The following MGRN1 variants were observed in gnomAD, a reference collection of about 807,000 sequenced individuals.
MGRN1 encodes E3 ubiquitin-protein ligase MGRN1.
MGRN1 carries 29 observed loss-of-function variants against 69.2 expected under a neutral mutation model. That is an observed-to-expected ratio of 0.42 (90% CI 0.31 to 0.57). The LOEUF is 0.57. MGRN1 is among the 20% of genes least tolerant of loss of function. MGRN1 has a pLI of 0.15. For synonymous variants in MGRN1, 470 were observed against 344.2 expected (o/e 1.37, Z -4.04); for missense variants, 998 against 796.2 (o/e 1.25, Z -3.05).
At chr16:4,629,150 A>ATGTGTGTGTG (rs377682804) in intron 1 of MGRN1, among the ~76,000 whole-genome samples, 2,374 of 127,564 alleles carry the variant, frequency 0.019, 33 homozygotes, top group South Asian at 0.034. Flanking sequence ...TTCTGTTCGT[A>ATGTGTGTGTG]TGTGTGTGTG....
intron 13 of MGRN1, 21 bp downstream of exon 13, chr16:4,681,797 G>C (rs764083188): frequency 1.2e-6 from 2 of 1,602,324 alleles, no homozygotes; most frequent in Non-Finnish European, 1.7e-6. Flanking sequence ...GCCAGGCCAG[G>C]TGCATGGCAG....
At chr16:4,679,928 C>T in intron 11 of MGRN1, 104 bp from the exon 12 acceptor site, 1 of 1,095,870 alleles carries the variant, frequency 9.1e-7, no homozygotes, top group Non-Finnish European at 1.3e-6. Flanking sequence ...TTGTGAAGTT[C>T]TGCGCCACGG....
intron 5 of MGRN1, among the ~76,000 whole-genome samples, chr16:4,661,863 T>C (rs572487602): frequency 6.6e-6 from 1 of 152,192 alleles, no homozygotes; most frequent in Non-Finnish European, 1.5e-5. Flanking sequence ...GCCCAGGGCT[T>C]CTTGTGTGGA....
In MGRN1 at chr16:4,689,073, C is replaced by A; in HGVS notation, c.*165C>A. The A allele has an allele frequency of 1.1e-6, 1 of 887,232 alleles. No homozygotes were observed. Among genetic ancestry groups the A allele is most frequent in the Non-Finnish European group, 1.6e-6 (1 of 614,788 alleles). 55.0% of individuals were successfully genotyped at this position (887,232 alleles called of 1,614,324 possible). A position where few individuals can be genotyped will look rare whatever the true frequency, so the allele number is the denominator to read the frequency against. Reference sequence around the variant, plus strand: ...GATCAAAGAGCACAGTGAACTGTCCCTTCTGAGTCTCCCTTTTCTACAGTT... The same window carrying A: ...GATCAAAGAGCACAGTGAACTGTCCATTCTGAGTCTCCCTTTTCTACAGTT... On this transcript the variant is annotated 3_prime_UTR_variant, in exon 17 of 17. Transcript: ENST00000262370.
intron 16 of MGRN1, chr16:4,687,524 A>ACGGGGGGCCCCCCCC: frequency 1.0e-6 from 1 of 980,854 alleles, no homozygotes; most frequent in African/African-American, 1.8e-5. Flanking sequence ...AAAAAAATAC[A>ACGGGGGGCCCCCCCC]CACACACCCA....
At chr16:4,629,147 C>CGT (rs1442184525) in intron 1 of MGRN1, among the ~76,000 whole-genome samples, 499 of 48,676 alleles carry the variant, frequency 0.01, 7 homozygotes, top group Middle Eastern at 0.018. Flanking sequence ...GCTTTCTGTT[C>CGT]GTATGTGTGT....
chr16:4,643,185 C>T lies in MGRN1; in HGVS notation c.89-7180C>T, dbSNP rs1370702019. 2.0e-5 allele frequency among the ~76,000 whole-genome samples: 3 copies of T among 151,902 alleles called. No individual in the cohort carries two copies. In the South Asian group the frequency reaches 6.2e-4, roughly 32 times the overall value. ...TGGCCAGGCTGGTCTCAATCTCGAT[C>T]TCCTGACCTTGTGATCCACTCCTCT... On this transcript the variant is annotated intron_variant, in intron 1 of 16. Transcript: ENST00000262370.
At chr16:4,656,312 A>T (rs756375301) in intron 4 of MGRN1, among the ~76,000 whole-genome samples, 1 of 152,230 alleles carries the variant, frequency 6.6e-6, no homozygotes, top group African/African-American at 2.4e-5. Context: ...AGGGGCCCTG[A>T]CTGAATCAGT....
intron 2 of MGRN1, 64 bp from the exon 3 acceptor site, chr16:4,651,899 A>C: frequency 6.9e-7 from 1 of 1,453,074 alleles, no homozygotes; most frequent in Admixed American, 1.7e-5. Context: ...CTGCACCCTG[A>C]CCCGTTTTCT....
At chr16:4,663,018 G>C (rs936705052) in intron 5 of MGRN1, among the ~76,000 whole-genome samples, 9 of 152,188 alleles carry the variant, frequency 5.9e-5, no homozygotes, top group African/African-American at 2.2e-4. Context: ...AACTGCCCTT[G>C]CCTGGGCTGG....
At chr16:4,645,986 G>A (rs1368388662) in intron 1 of MGRN1, among the ~76,000 whole-genome samples, 2 of 152,156 alleles carry the variant, frequency 1.3e-5, no homozygotes, top group East Asian at 1.9e-4. Context: ...TGACAGTCAC[G>A]TAGACCACGT....
At chr16:4,666,075 T>C (rs28693871) in intron 7 of MGRN1, among the ~76,000 whole-genome samples, 5,056 of 152,108 alleles carry the variant, frequency 0.033, 131 homozygotes, top group African/African-American at 0.067. Flanking sequence ...TTGATCCACC[T>C]GCCTCGGCCT....
intron 16 of MGRN1, chr16:4,686,321 C>T (rs1270540373): frequency 9.7e-6 from 15 of 1,542,352 alleles, no homozygotes; most frequent in African/African-American, 6.8e-5. Flanking sequence ...ACCTCCCAGA[C>T]GCGCTTCGGG....
intron 12 of MGRN1, chr16:4,680,790 CGCTCCCCCATT>C (rs1253421103): frequency 4.6e-5 from 7 of 152,376 alleles, no homozygotes; most frequent in African/African-American, 1.7e-4. Flanking sequence ...GGGCCGTGCC[CGCTCCCCCATT>C]TCTCCCCCAC....
intron 5 of MGRN1, among the ~76,000 whole-genome samples, chr16:4,661,053 C>A (rs987075371): frequency 1.3e-5 from 2 of 152,188 alleles, no homozygotes; most frequent in Non-Finnish European, 2.9e-5. Context: ...ACAATCACAG[C>A]TTGCCGCAGC....
chr16:4,679,002 A>G (rs1269765019), intron 11 of MGRN1, among the ~76,000 whole-genome samples: 2 of 152,244 alleles, frequency 1.3e-5, no homozygotes, highest in Non-Finnish European at 2.9e-5. Flanking sequence ...TTAAAATCTG[A>G]CATGGTCTTG....
intron 1 of MGRN1, among the ~76,000 whole-genome samples, chr16:4,647,947 C>T (rs1000030996): frequency 5.9e-5 from 9 of 152,080 alleles, no homozygotes; most frequent in Admixed American, 1.3e-4. Flanking sequence ...TGTTGGGGCC[C>T]GGCTGGTCTT....
At chr16:4,646,068 C>T (rs1474140564) in intron 1 of MGRN1, among the ~76,000 whole-genome samples, 1 of 152,108 alleles carries the variant, frequency 6.6e-6, no homozygotes, top group Admixed American at 6.5e-5. Flanking sequence ...TGAGCACTTC[C>T]TACCTTACGG....
chr16:4,686,233 G>A (rs906012836), intron 16 of MGRN1: 11 of 1,540,386 alleles, frequency 7.1e-6, no homozygotes, highest in East Asian at 2.4e-5. Flanking sequence ...CCGAGCTTCC[G>A]TCTGTCTCTC....
Sources: allele counts gnomAD v4.1 joint callset (sites outside exome capture counted in the v4.1 genomes callset), GRCh38; gene constraint gnomAD v4.1.1; transcripts MANE v1.5; gene names NCBI Gene and HGNC (gene_info 2026-07-23, HGNC 2026-07-21).